PTBP2: variants seen among roughly 807,000 people sequenced by gnomAD.
The protein encoded by PTBP2 is polypyrimidine tract binding protein 2.
PTBP2 carries 13 observed loss-of-function variants against 61.4 expected under a neutral mutation model. The ratio of observed to expected loss-of-function variants is 0.21; its 90% confidence interval spans 0.14 to 0.34. PTBP2 has a LOEUF of 0.34. Ranked by LOEUF, PTBP2 falls within the 10% of genes least tolerant of loss-of-function variation. The pLI is 1.00. For missense variants in PTBP2, 405 were observed against 642.6 expected, an observed-to-expected ratio of 0.63 and a Z score of 4.00; for synonymous variants, 215 against 218.5, an observed-to-expected ratio of 0.98 and a Z score of 0.14.
chr1:96,758,111 C>T (rs1457612637), intron 3 of PTBP2, among the ~76,000 whole-genome samples: 3 of 151,706 alleles, frequency 2.0e-5, no homozygotes, highest in Non-Finnish European at 2.9e-5. Flanking sequence ...TCAATAAAAG[C>T]AGAGATATAT....
intron 8 of PTBP2, among the ~76,000 whole-genome samples, chr1:96,799,470 G>C (rs1455532046): frequency 1.3e-5 from 2 of 151,434 alleles, no homozygotes; most frequent in East Asian, 1.9e-4. Context: ...TAATTTTTTT[G>C]TATGTTTAGT....
At chr1:96,775,973 A>G (rs1036365736) in intron 5 of PTBP2, among the ~76,000 whole-genome samples, 61 of 152,064 alleles carry the variant, frequency 4.0e-4, no homozygotes, top group African/African-American at 1.4e-3. Context: ...TTATATATAT[A>G]TGCTTGTAGA....
chr1:96,723,510 G>A, intron 1 of PTBP2, 54 bp from the exon 2 acceptor site: 1 of 1,492,664 alleles, frequency 6.7e-7, no homozygotes. Context: ...GAGCCAAAGA[G>A]TGAGTGATTA....
exon 14 of PTBP2, chr1:96,822,833 G>C (rs1032382260): frequency 1.1e-4 from 17 of 152,108 alleles, no homozygotes; most frequent in African/African-American, 3.9e-4. Flanking sequence ...GCAAAACCAT[G>C]GAAGAAACAT....
At chr1:96,783,034 G>T (rs1294302607) in intron 7 of PTBP2, among the ~76,000 whole-genome samples, 6 of 151,924 alleles carry the variant, frequency 3.9e-5, no homozygotes, top group Non-Finnish European at 7.4e-5. Flanking sequence ...AGCTTTTAAT[G>T]TCAGAAATCT....
At chr1:96,811,940 T>C (rs1662127805) in intron 11 of PTBP2, among the ~76,000 whole-genome samples, 1 of 152,224 alleles carries the variant, frequency 6.6e-6, no homozygotes, top group Non-Finnish European at 1.5e-5. Flanking sequence ...CACTATGTTC[T>C]GGGGTAGAGA....
At chr1:96,786,864 A>G (rs906917665) in intron 8 of PTBP2, among the ~76,000 whole-genome samples, 2 of 152,076 alleles carry the variant, frequency 1.3e-5, no homozygotes, top group Non-Finnish European at 1.5e-5. Flanking sequence ...TTTGGACCCT[A>G]CTGAGGTGTG....
intron 2 of PTBP2, among the ~76,000 whole-genome samples, chr1:96,737,399 A>G (rs1181288511): frequency 6.6e-6 from 1 of 152,194 alleles, no homozygotes; most frequent in African/African-American, 2.4e-5. Context: ...CTAAGGGTAA[A>G]TGCAATAGAG....
intron 11 of PTBP2, among the ~76,000 whole-genome samples, chr1:96,812,005 G>T (rs1214645784): frequency 6.6e-6 from 1 of 152,138 alleles, no homozygotes; most frequent in Non-Finnish European, 1.5e-5. Flanking sequence ...TCCCAAATCT[G>T]AAATGTTCCA....
Position 96,785,118 on chromosome 1 carries a change from A to G in PTBP2, c.768A>G (p.Lys256=). 1.2e-6 allele frequency: 2 copies of G among 1,609,796 alleles called. No homozygotes were observed. Among genetic ancestry groups the G allele is most frequent in the Non-Finnish European group, 1.7e-6 (2 of 1,177,382 alleles). Residue 256 remains lysine, a synonymous_variant, in exon 8 of 14, where the codon AAA becomes AAG. Transcript: ENST00000674951. ...GTACCCTAAGGATTGATTTTTCCAAACTTGTGAATTTGAATGTAAAATACA... is the reference window on the plus strand; with the variant it reads ...GTACCCTAAGGATTGATTTTTCCAAGCTTGTGAATTTGAATGTAAAATACA... ...ACCTLRIDFS[K]LVNLNVKYNN...
chr1:96,723,639 T>C (rs778723369), intron 2 of PTBP2, 45 bp downstream of exon 2: 4 of 1,501,474 alleles, frequency 2.7e-6, no homozygotes, highest in East Asian at 2.3e-5. Context: ...GGATCTATTA[T>C]CATAATTACT....
chr1:96,796,281 C>T (rs964763983), intron 8 of PTBP2, among the ~76,000 whole-genome samples: 3 of 141,702 alleles, frequency 2.1e-5, no homozygotes, highest in African/African-American at 5.0e-5. Context: ...ATTAAGACCC[C>T]GTCTCCACCA....
intron 2 of PTBP2, among the ~76,000 whole-genome samples, chr1:96,745,084 T>C (rs1166170847): frequency 2.6e-5 from 4 of 152,100 alleles, no homozygotes; most frequent in African/African-American, 4.8e-5. Context: ...TTATGAAATA[T>C]AAGAAAATGA....
chr1:96,794,286 T>C (rs1273642181), intron 8 of PTBP2, among the ~76,000 whole-genome samples: 1 of 152,196 alleles, frequency 6.6e-6, no homozygotes, highest in Non-Finnish European at 1.5e-5. Flanking sequence ...TGCATAAAGA[T>C]AGGTTTAAAT....
At chr1:96,740,729 C>G (rs558614006) in intron 2 of PTBP2, among the ~76,000 whole-genome samples, 1 of 151,884 alleles carries the variant, frequency 6.6e-6, no homozygotes, top group African/African-American at 2.4e-5. Context: ...GATGTACTAT[C>G]ATGCTGTATG....
chr1:96,754,231 C>T (rs898701729), intron 3 of PTBP2, among the ~76,000 whole-genome samples: 2 of 152,074 alleles, frequency 1.3e-5, no homozygotes. Flanking sequence ...GACTGAATGG[C>T]ATAACTTGGC....
intron 2 of PTBP2, among the ~76,000 whole-genome samples, chr1:96,727,470 G>T (rs1412317541): frequency 1.3e-5 from 2 of 152,218 alleles, no homozygotes; most frequent in Non-Finnish European, 1.5e-5. Context: ...TTAAGGAACT[G>T]CAAACTTTTT....
chr1:96,771,973 G>T (rs897712495), intron 5 of PTBP2, among the ~76,000 whole-genome samples: 1 of 152,094 alleles, frequency 6.6e-6, no homozygotes. Context: ...GGCTTCTGTG[G>T]CCTCAAATGT....
chr1:96,800,363 A>G (rs1162659362), intron 8 of PTBP2, among the ~76,000 whole-genome samples: 3 of 150,608 alleles, frequency 2.0e-5, no homozygotes, highest in African/African-American at 7.3e-5. Context: ...ACTAAAGTAC[A>G]AGATTATTTA....
Sources: allele counts gnomAD v4.1 joint callset (sites outside exome capture counted in the v4.1 genomes callset), GRCh38; gene constraint gnomAD v4.1.1; transcripts MANE v1.5; gene names NCBI Gene and HGNC (gene_info 2026-07-23, HGNC 2026-07-21).